RIT2: variants seen among roughly 807,000 people sequenced by gnomAD.
RIT2 encodes Ras like without CAAX 2.
In RIT2, 24 loss-of-function variants were observed where a neutral mutation model predicts 23.7. That is an observed-to-expected ratio of 1.01 (90% CI 0.73 to 1.43). The LOEUF (loss-of-function observed/expected upper bound fraction) is 1.43. Among genes scored for constraint, RIT2 ranks in the 40% most tolerant of loss-of-function variants. The pLI is 0.00. For synonymous variants in RIT2, 107 were observed against 91.1 expected (o/e 1.17, Z -0.99); for missense variants, 236 against 266.9 (o/e 0.88, Z 0.81).
chr18:42,860,961 G>T (rs1907310831), intron 4 of RIT2, among the ~76,000 whole-genome samples: 1 of 152,156 alleles, frequency 6.6e-6, no homozygotes, highest in Non-Finnish European at 1.5e-5. Context: ...ATGTGTATGG[G>T]TGTGTGTGTT....
At chr18:43,043,914 G>T (rs1228442590) in intron 1 of RIT2, among the ~76,000 whole-genome samples, 1 of 152,064 alleles carries the variant, frequency 6.6e-6, no homozygotes, top group East Asian at 1.9e-4. Context: ...TTTCTAAATT[G>T]CATTGAGTTG....
intron 4 of RIT2, among the ~76,000 whole-genome samples, chr18:42,754,767 T>A (rs571137074): frequency 6.6e-6 from 1 of 152,168 alleles, no homozygotes; most frequent in Admixed American, 6.6e-5. Flanking sequence ...ATATTTAATT[T>A]GGATGATGAT....
At chr18:42,860,371 G>A (rs1289730475) in intron 4 of RIT2, among the ~76,000 whole-genome samples, 1 of 152,204 alleles carries the variant, frequency 6.6e-6, no homozygotes, top group Admixed American at 6.5e-5. Flanking sequence ...TTCTTACAGA[G>A]ATTCAGACAT....
At chr18:43,092,116 A>T (rs1913436633) in intron 1 of RIT2, among the ~76,000 whole-genome samples, 1 of 152,048 alleles carries the variant, frequency 6.6e-6, no homozygotes, top group South Asian at 2.1e-4. Context: ...TTTCCAACAT[A>T]CCGGGACCTC....
chr18:42,903,243 T>C (rs1381497561), intron 4 of RIT2, among the ~76,000 whole-genome samples: 2 of 152,004 alleles, frequency 1.3e-5, no homozygotes, highest in Non-Finnish European at 2.9e-5. Flanking sequence ...CTCTATGTAA[T>C]ACATTTATTG....
chr18:42,979,505 A>G (rs1249719530), intron 2 of RIT2, among the ~76,000 whole-genome samples: 1 of 152,176 alleles, frequency 6.6e-6, no homozygotes, highest in Non-Finnish European at 1.5e-5. Context: ...TTTAAAGGCA[A>G]TAAATAGTAC....
chr18:42,977,618 C>T (rs2144208804), intron 2 of RIT2, among the ~76,000 whole-genome samples: 1 of 151,910 alleles, frequency 6.6e-6, no homozygotes, highest in African/African-American at 2.4e-5. Context: ...CACAAAAACA[C>T]ACATGGGCAC....
In RIT2 at chr18:42,866,048, T is replaced by C. The variant is rs139452561; in HGVS notation, c.426+57524A>G. Among the ~76,000 whole-genome samples the C allele has an allele frequency of 1.1e-4, 17 of 152,282 alleles. No homozygotes were observed. In the East Asian group the frequency reaches 2.5e-3, roughly 23 times the overall value. On this transcript the variant is annotated intron_variant, in intron 4 of 4. Transcript: ENST00000326695. Reference sequence around the variant, plus strand: ...TTGGTAAAACCAGCACCATCACTTATCTATTTCTTTTGTGTAAAGCCATCT... The same window carrying C: ...TTGGTAAAACCAGCACCATCACTTACCTATTTCTTTTGTGTAAAGCCATCT...
intron 4 of RIT2, among the ~76,000 whole-genome samples, chr18:42,822,325 C>G (rs538126127): frequency 6.6e-6 from 1 of 152,070 alleles, no homozygotes; most frequent in African/African-American, 2.4e-5. Context: ...GGCTCAATGG[C>G]TAATCATGCA....
At chr18:42,811,045 T>C (rs1195936270) in intron 4 of RIT2, among the ~76,000 whole-genome samples, 2 of 152,056 alleles carry the variant, frequency 1.3e-5, no homozygotes, top group Non-Finnish European at 2.9e-5. Context: ...ACTTTAGAAA[T>C]GTGCAGAAAA....
intron 2 of RIT2, among the ~76,000 whole-genome samples, chr18:42,979,017 A>G (rs1292285226): frequency 6.6e-5 from 10 of 152,150 alleles, no homozygotes; most frequent in Non-Finnish European, 1.3e-4. Context: ...ACTGCTTCAA[A>G]TTAGCCATGA....
At chr18:42,998,055 A>G (rs577209375) in intron 2 of RIT2, among the ~76,000 whole-genome samples, 7 of 152,230 alleles carry the variant, frequency 4.6e-5, no homozygotes, top group Admixed American at 3.9e-4. Context: ...CATTTTTTTT[A>G]ACTTACTTCC....
intron 1 of RIT2, among the ~76,000 whole-genome samples, chr18:43,048,361 A>G (rs1464429042): frequency 6.6e-6 from 1 of 152,172 alleles, no homozygotes; most frequent in African/African-American, 2.4e-5. Flanking sequence ...CAATAATTCA[A>G]AGAATTAGGT....
chr18:42,869,283 G>A (rs568150242), intron 4 of RIT2, among the ~76,000 whole-genome samples: 5 of 152,294 alleles, frequency 3.3e-5, no homozygotes, highest in South Asian at 4.1e-4. Context: ...CATAGGGTTC[G>A]TGCTCCTATG....
At chr18:42,746,701 C>G (rs1473325107) in intron 4 of RIT2, among the ~76,000 whole-genome samples, 3 of 151,976 alleles carry the variant, frequency 2.0e-5, no homozygotes, top group Non-Finnish European at 4.4e-5. Context: ...ACACAAGAGA[C>G]AGAAAGAGGA....
intron 4 of RIT2, among the ~76,000 whole-genome samples, chr18:42,880,851 A>G (rs1272509500): frequency 7.7e-6 from 1 of 130,048 alleles, no homozygotes; most frequent in East Asian, 2.2e-4. Flanking sequence ...CCTGTTGCTC[A>G]GGCTGGAGTG....
At chr18:42,750,105 G>A (rs571756269) in intron 4 of RIT2, among the ~76,000 whole-genome samples, 253 of 151,852 alleles carry the variant, frequency 1.7e-3, no homozygotes, top group African/African-American at 5.9e-3. Context: ...AAAGAAATCA[G>A]ACCTAAGGAA....
At chr18:42,913,232 T>C (rs1375276405) in intron 4 of RIT2, among the ~76,000 whole-genome samples, 1 of 150,398 alleles carries the variant, frequency 6.6e-6, no homozygotes, top group Non-Finnish European at 1.5e-5. Flanking sequence ...AAAAAAAATG[T>C]TCAGAATGGA....
intron 4 of RIT2, among the ~76,000 whole-genome samples, chr18:42,830,522 T>C (rs1052076008): frequency 6.6e-6 from 1 of 152,190 alleles, no homozygotes; most frequent in South Asian, 2.1e-4. Context: ...GGGGAAATTA[T>C]ATGCTGCCCA....
Sources: allele counts gnomAD v4.1 joint callset (sites outside exome capture counted in the v4.1 genomes callset), GRCh38; gene constraint gnomAD v4.1.1; transcripts MANE v1.5; gene names NCBI Gene and HGNC (gene_info 2026-07-23, HGNC 2026-07-21).